Variants in ALG5 observed in about 807,000 individuals in gnomAD.
ALG5 encodes the protein dolichyl-phosphate beta-glucosyltransferase.
In ALG5, 26 loss-of-function variants were observed where a neutral mutation model predicts 51.8. The ratio of observed to expected loss-of-function variants is 0.50; its 90% CI spans 0.37 to 0.70. The LOEUF (loss-of-function observed/expected upper bound fraction) is 0.70. Among genes scored for constraint, ALG5 ranks in the 30% least tolerant of loss-of-function variants. ALG5 has a pLI of 0.00. For missense variants in ALG5, 311 were observed against 399.3 expected, an observed-to-expected ratio of 0.78 and a Z score of 1.88; for synonymous variants, 141 against 136.1, an observed-to-expected ratio of 1.04 and a Z score of -0.25.
chr13:36,995,508 T>C lies in ALG5; in HGVS notation c.155A>G (p.Gln52Arg), dbSNP rs1372245376. Residue 52 changes from glutamine (Q) to arginine (R), a missense_variant, in exon 2 of 10, where the codon CAG becomes CGG. Physicochemically the swap from Gln to Arg is conservative, Grantham distance 43. Coordinates refer to ENST00000239891, the MANE Select transcript of ALG5 (RefSeq NM_013338.5). ...EEKFFLNAKGQKETLPSIWDS... is the reference protein window; with the variant it reads ...EEKFFLNAKGRKETLPSIWDS... ...CCATATGCTGGGTAAAGTTTCTTTC[T>C]GGCCTTTGGCATTTAAGAAGAATTT... 2 of 1,606,608 alleles carry C rather than the reference T, an allele frequency of 1.2e-6. No individual in the cohort carries two copies. Among genetic ancestry groups the C allele is most frequent in the South Asian group, 1.1e-5 (1 of 88,556 alleles).
chr13:36,995,550 T>C lies in ALG5; in HGVS notation c.113A>G (p.His38Arg), dbSNP rs751173250. Residue 38 changes from histidine (H) to arginine (R), a missense_variant, in exon 2 of 10, where the codon CAT becomes CGT. Transcript: ENST00000239891. The part of the protein sequence containing the change: ...FTTATKMPAL[H>R]RHEEEKFFLN... Reference sequence around the variant, plus strand: ...GAAGAATTTCTCTTCTTCATGTCGATGGAGTGCTGGCATTTTTGTAGCAGT... The same window carrying C: ...GAAGAATTTCTCTTCTTCATGTCGACGGAGTGCTGGCATTTTTGTAGCAGT... The C allele has an allele frequency of 8.7e-6, 14 of 1,606,628 alleles. No homozygotes were observed. The highest frequency in any genetic ancestry group is 1.2e-5 in the Non-Finnish European group (14 of 1,178,534).
chr13:36,971,918 T>C, intron 7 of ALG5, 59 bp downstream of exon 7: 8 of 1,344,882 alleles, frequency 5.9e-6, no homozygotes, highest in East Asian at 2.4e-5. Flanking sequence ...GATATATATA[T>C]AAAAAAAGAA....
At chr13:36,991,208 A>G (rs886244393) in intron 4 of ALG5, among the ~76,000 whole-genome samples, 1 of 152,136 alleles carries the variant, frequency 6.6e-6, no homozygotes, top group African/African-American at 2.4e-5. Flanking sequence ...ACTGTCTTCC[A>G]GCTTCCTCAC....
intron 4 of ALG5, among the ~76,000 whole-genome samples, chr13:36,992,433 CTAA>C (rs2059029687): frequency 6.6e-6 from 1 of 152,150 alleles, no homozygotes; most frequent in African/African-American, 2.4e-5. Flanking sequence ...GCTAAGTGAA[CTAA>C]TAAGACTTTA....
chr13:36,989,378 A>C (rs2138824073), intron 5 of ALG5, 106 bp downstream of exon 5: 1 of 759,692 alleles, frequency 1.3e-6, no homozygotes, highest in East Asian at 2.7e-5. Context: ...GTTATCACTA[A>C]CTTGAAATGC....
At chr13:36,989,684 C>T in intron 4 of ALG5, 108 bp from the exon 5 acceptor site, 1 of 812,758 alleles carries the variant, frequency 1.2e-6, no homozygotes, top group Admixed American at 2.2e-5. Flanking sequence ...TTTATCCCTT[C>T]TTGTGACTAG....
At chr13:36,982,484 G>A (rs1227149494) in intron 6 of ALG5, among the ~76,000 whole-genome samples, 1 of 152,244 alleles carries the variant, frequency 6.6e-6, no homozygotes, top group Admixed American at 6.5e-5. Context: ...TGTAAATAAA[G>A]GATGTATTTT....
chr13:36,964,386 C>T (rs1244503150), intron 8 of ALG5, among the ~76,000 whole-genome samples: 1 of 151,952 alleles, frequency 6.6e-6, no homozygotes, highest in South Asian at 2.1e-4. Context: ...TTCTGGATGG[C>T]GGTGGTAGAG....
At chr13:36,985,223 C>T (rs1202923754) in intron 6 of ALG5, among the ~76,000 whole-genome samples, 1 of 152,002 alleles carries the variant, frequency 6.6e-6, no homozygotes. Context: ...TTCAAATAAT[C>T]CTTTTTGAGT....
intron 6 of ALG5, among the ~76,000 whole-genome samples, chr13:36,972,251 A>G (rs1404457263): frequency 1.3e-5 from 2 of 152,182 alleles, no homozygotes; most frequent in East Asian, 3.8e-4. Context: ...AGAGCTAAAT[A>G]TAAGGGGCAT....
chr13:36,964,668 T>C (rs141210140), intron 8 of ALG5, among the ~76,000 whole-genome samples: 3 of 152,232 alleles, frequency 2.0e-5, no homozygotes, highest in African/African-American at 4.8e-5. Flanking sequence ...CTGGGTGCAG[T>C]GGCTCACGTC....
At chr13:36,952,478 G>A (rs1566055573) in intron 9 of ALG5, 36 bp downstream of exon 9, 2 of 1,448,772 alleles carry the variant, frequency 1.4e-6, no homozygotes, top group Non-Finnish European at 1.9e-6. Context: ...TGTATTATCT[G>A]ACTCAAGACA....
chr13:36,978,520 A>G (rs929365924), intron 6 of ALG5, among the ~76,000 whole-genome samples: 25 of 152,060 alleles, frequency 1.6e-4, no homozygotes, highest in Non-Finnish European at 2.6e-4. Flanking sequence ...TTTTCACACA[A>G]TTTACTGGAG....
chr13:36,971,865 C>A, intron 7 of ALG5, 112 bp downstream of exon 7: 1 of 700,620 alleles, frequency 1.4e-6, no homozygotes, highest in South Asian at 2.2e-5. Context: ...TTGAAAGGAA[C>A]CTCATGTTTA....
chr13:36,972,097 TTTCAATG>T, intron 6 of ALG5, 61 bp from the exon 7 acceptor site: 1 of 1,258,410 alleles, frequency 7.9e-7, no homozygotes, highest in Non-Finnish European at 1.1e-6. Flanking sequence ...AAATATTTAT[TTTCAATG>T]AGAATATCTC....
chr13:36,968,432 T>C (rs535975225), intron 7 of ALG5, among the ~76,000 whole-genome samples: 2 of 152,284 alleles, frequency 1.3e-5, no homozygotes, highest in South Asian at 4.1e-4. Context: ...ACTAAAAACA[T>C]TAAGTAACCA....
chr13:36,956,068 C>T (rs940502377), intron 8 of ALG5, among the ~76,000 whole-genome samples: 6 of 152,104 alleles, frequency 3.9e-5, no homozygotes, highest in South Asian at 2.1e-4. Flanking sequence ...GTACAGACAA[C>T]CTATGGATTG....
chr13:36,949,746 T>A lies in ALG5; in HGVS notation c.*196A>T. ...ACAAACAAAAGAAAATCTGACTTTT[T>A]AAATAAACATCTTTTAAAAATCATT... On this transcript the variant is annotated 3_prime_UTR_variant, in exon 10 of 10. Coordinates refer to ENST00000239891, the MANE Select transcript of ALG5 (RefSeq NM_013338.5). 1 of 423,642 alleles carries A rather than the reference T, an allele frequency of 2.4e-6. No individual in the cohort carries two copies. Among genetic ancestry groups the A allele is most frequent in the East Asian group, 3.6e-5 (1 of 27,542 alleles). 26.2% of individuals were successfully genotyped at this position (423,642 alleles called of 1,614,324 possible). A position where few individuals can be genotyped will look rare whatever the true frequency, so the allele number is the denominator to read the frequency against.
At chr13:36,971,475 T>C (rs966450390) in intron 7 of ALG5, among the ~76,000 whole-genome samples, 38 of 151,872 alleles carry the variant, frequency 2.5e-4, no homozygotes, top group African/African-American at 9.2e-4. Flanking sequence ...AGTGAAACCC[T>C]GTCTCTACCA....
Sources: allele counts gnomAD v4.1 joint callset (sites outside exome capture counted in the v4.1 genomes callset), GRCh38; gene constraint gnomAD v4.1.1; transcripts MANE v1.5; gene names NCBI Gene and HGNC (gene_info 2026-07-23, HGNC 2026-07-21).